Variants in ARL15 observed in about 807,000 individuals in gnomAD.
ARL15 encodes ADP-ribosylation factor-like protein 15.
A neutral mutation model predicts 25.2 loss-of-function variants in ARL15; 19 were observed. The ratio of observed to expected loss-of-function variants is 0.75; its 90% confidence interval spans 0.53 to 1.10. ARL15 has a LOEUF of 1.10. ARL15 is among the 50% of genes least tolerant of loss of function. The probability of loss-of-function intolerance (pLI) is 0.00; values close to 1 mark genes in which losing one functional copy is unlikely to be tolerated. For missense variants in ARL15, 220 were observed against 246.0 expected, an observed-to-expected ratio of 0.89 and a Z score of 0.71; for synonymous variants, 94 against 86.8, an observed-to-expected ratio of 1.08 and a Z score of -0.46.
intron 4 of ARL15, among the ~76,000 whole-genome samples, chr5:54,046,664 G>A (rs1750526763): frequency 6.6e-6 from 1 of 152,188 alleles, no homozygotes; most frequent in East Asian, 1.9e-4. Context: ...ATTTGGAGAG[G>A]GAGATGATCA....
chr5:54,301,253 C>CA (rs1204856942), intron 1 of ARL15, among the ~76,000 whole-genome samples: 1 of 152,116 alleles, frequency 6.6e-6, no homozygotes, highest in Non-Finnish European at 1.5e-5. Context: ...ATTCACTCAA[C>CA]ATTTTTTTTT....
intron 4 of ARL15, among the ~76,000 whole-genome samples, chr5:54,084,359 T>C (rs575386260): frequency 6.8e-6 from 1 of 146,848 alleles, no homozygotes; most frequent in African/African-American, 2.5e-5. Flanking sequence ...CTTAGAGATC[T>C]GGAGACTCCC....
intron 4 of ARL15, among the ~76,000 whole-genome samples, chr5:53,994,023 TG>T (rs1379648644): frequency 6.6e-6 from 1 of 152,054 alleles, no homozygotes; most frequent in Non-Finnish European, 1.5e-5. Context: ...CCCAATCCAG[TG>T]GGGGTAAATG....
rs745548890 is a variant in ARL15, at chr5:54,171,777, T to C, written c.193+7A>G. ...AAGAAGGGACAGAACCCCAGCACAG[T>C]ACCCACCTGTGGTCGACACGACGTT... is the stretch of plus-strand genomic sequence containing the variant. On this transcript the variant is annotated splice_region_variant and intron_variant, in intron 2 of 4. Coordinates refer to ENST00000504924, the MANE Select transcript of ARL15 (RefSeq NM_019087.3). 2.5e-6 allele frequency: 4 copies of C among 1,610,398 alleles called. No individual in the cohort carries two copies. The East Asian group carries it at 6.7e-5, about 27-fold the overall frequency.
chr5:54,231,926 T>C (rs563400392), intron 1 of ARL15, among the ~76,000 whole-genome samples: 1 of 152,192 alleles, frequency 6.6e-6, no homozygotes, highest in South Asian at 2.1e-4. Flanking sequence ...CATATGAACT[T>C]GGGGAGACAC....
intron 4 of ARL15, among the ~76,000 whole-genome samples, chr5:53,909,748 A>G (rs1328684352): frequency 6.6e-6 from 1 of 152,186 alleles, no homozygotes; most frequent in African/African-American, 2.4e-5. Flanking sequence ...ACATAAAAAC[A>G]TACACATGAA....
At chr5:53,953,691 G>A (rs1239735210) in intron 4 of ARL15, among the ~76,000 whole-genome samples, 2 of 152,124 alleles carry the variant, frequency 1.3e-5, no homozygotes, top group East Asian at 1.9e-4. Flanking sequence ...TTGTAATGCC[G>A]ACGCCTGAAG....
chr5:54,256,692 C>G (rs1236075788), intron 1 of ARL15, among the ~76,000 whole-genome samples: 1 of 150,432 alleles, frequency 6.6e-6, no homozygotes, highest in East Asian at 2.0e-4. Context: ...AAAGACTCAA[C>G]AAAACACTAG....
At chr5:53,933,803 G>A (rs779936767) in intron 4 of ARL15, among the ~76,000 whole-genome samples, 2 of 151,984 alleles carry the variant, frequency 1.3e-5, no homozygotes, top group African/African-American at 2.4e-5. Context: ...AGATGATGAC[G>A]GCTGATGTTA....
At chr5:54,235,840 C>A (rs1270057821) in intron 1 of ARL15, among the ~76,000 whole-genome samples, 2 of 152,126 alleles carry the variant, frequency 1.3e-5, no homozygotes, top group African/African-American at 4.8e-5. Flanking sequence ...AATGGAAGGG[C>A]ATTTGACTAT....
chr5:54,225,081 T>C (rs1308203759), intron 1 of ARL15, among the ~76,000 whole-genome samples: 1 of 152,182 alleles, frequency 6.6e-6, no homozygotes, highest in Non-Finnish European at 1.5e-5. Flanking sequence ...CAATACCTCA[T>C]AGGGTTGCTG....
intron 1 of ARL15, among the ~76,000 whole-genome samples, chr5:54,290,622 T>C (rs886842544): frequency 6.6e-6 from 1 of 152,168 alleles, no homozygotes; most frequent in African/African-American, 2.4e-5. Flanking sequence ...AATATTTTAA[T>C]ATTCAATAAT....
chr5:54,259,745 A>G lies in ARL15; in HGVS notation c.48+50687T>C, dbSNP rs1160983741. Reference sequence around the variant, plus strand: ...AGTAATGTGCTATCTGACAAATAGGACAATCAGCAGTATACAACATTATCA... The same window carrying G: ...AGTAATGTGCTATCTGACAAATAGGGCAATCAGCAGTATACAACATTATCA... On this transcript the variant is annotated intron_variant, in intron 1 of 4. Coordinates refer to ENST00000504924, the MANE Select transcript of ARL15 (RefSeq NM_019087.3). 1.3e-5 allele frequency among the ~76,000 whole-genome samples: 2 copies of G among 152,248 alleles called. 1 individual carries two copies. The highest frequency in any genetic ancestry group is 2.9e-5 in the Non-Finnish European group (2 of 68,046).
At chr5:53,976,871 G>A (rs1178336097) in intron 4 of ARL15, among the ~76,000 whole-genome samples, 3 of 152,144 alleles carry the variant, frequency 2.0e-5, no homozygotes, top group Non-Finnish European at 4.4e-5. Flanking sequence ...GAACAGTAAC[G>A]AACTTCATGG....
At chr5:54,119,723 A>G (rs1753015845) in intron 3 of ARL15, among the ~76,000 whole-genome samples, 1 of 152,070 alleles carries the variant, frequency 6.6e-6, no homozygotes, top group Non-Finnish European at 1.5e-5. Flanking sequence ...ACCAGACCTA[A>G]GGTTTCCACC....
At chr5:54,263,137 G>GAGT (rs111580658) in intron 1 of ARL15, among the ~76,000 whole-genome samples, 19 of 149,614 alleles carry the variant, frequency 1.3e-4, no homozygotes, top group African/African-American at 4.4e-4. Flanking sequence ...CAATATTTTA[G>GAGT]TTTTTTTTTT....
chr5:54,186,192 C>T (rs1018263330), intron 1 of ARL15, among the ~76,000 whole-genome samples: 9 of 152,188 alleles, frequency 5.9e-5, no homozygotes, highest in African/African-American at 1.7e-4. Flanking sequence ...TGTACATCCT[C>T]AAATCACACT....
At chr5:54,105,581 T>C (rs1023586786) in intron 4 of ARL15, among the ~76,000 whole-genome samples, 8 of 152,282 alleles carry the variant, frequency 5.3e-5, no homozygotes, top group African/African-American at 1.9e-4. Context: ...AGGCTACATT[T>C]TTTTATTTGT....
chr5:54,123,140 G>A lies in ARL15; in HGVS notation c.254-9730C>T, dbSNP rs957371914. Among the ~76,000 whole-genome samples, 20 of 143,130 alleles carry A rather than the reference G, an allele frequency of 1.4e-4. 1 individual carries two copies. The highest frequency in any genetic ancestry group is 7.1e-4 in the Admixed American group (10 of 14,092). 93.9% of individuals were successfully genotyped at this position (143,130 alleles called of 152,430 possible). ...TTTTTTTTTTTTGAGACGGAGTTTC[G>A]CTCTTTTTGCGCAGGCTGGAGTGCA... On this transcript the variant is annotated intron_variant, in intron 3 of 4. Transcript: ENST00000504924.
Sources: gnomAD v4.1 joint callset for allele counts (sites outside exome capture counted in the v4.1 genomes callset) on GRCh38, gnomAD v4.1.1 for gene constraint, MANE v1.5 for transcripts, NCBI Gene and HGNC (gene_info 2026-07-23, HGNC 2026-07-21) for gene names.